ALPK1: variants seen among roughly 807,000 people sequenced by gnomAD.
ALPK1 encodes the protein alpha kinase 1, also known as alpha-protein kinase 1.
ALPK1 carries 110 observed loss-of-function variants against 120.6 expected under a neutral mutation model. The ratio of observed to expected loss-of-function variants is 0.91; its 90% CI spans 0.78 to 1.07. The LOEUF (loss-of-function observed/expected upper bound fraction) is 1.07, where lower values mean the gene tolerates loss of function less well. ALPK1 is among the 50% of genes least tolerant of loss of function. The pLI is 0.00. For synonymous variants in ALPK1, 582 were observed against 560.3 expected, an observed-to-expected ratio of 1.04 and a Z score of -0.55; for missense variants, 1,498 against 1,483.9, an observed-to-expected ratio of 1.01 and a Z score of -0.16.
intron 4 of ALPK1, 87 bp from the exon 5 acceptor site, chr4:112,411,740 T>C: frequency 7.8e-7 from 1 of 1,280,210 alleles, no homozygotes; most frequent in South Asian, 1.3e-5. Context: ...TTTTGTTGTA[T>C]TAATGAAAAT....
At chr4:112,434,795 T>C (rs192824250) in intron 11 of ALPK1, among the ~76,000 whole-genome samples, 6 of 152,320 alleles carry the variant, frequency 3.9e-5, no homozygotes, top group Admixed American at 2.6e-4. Context: ...TGCAAGCATG[T>C]GTCACTTGTC....
At chr4:112,436,592 G>A (rs1479963031) in intron 12 of ALPK1, among the ~76,000 whole-genome samples, 1 of 152,210 alleles carries the variant, frequency 6.6e-6, no homozygotes, top group Non-Finnish European at 1.5e-5. Flanking sequence ...AAGACGCAGA[G>A]AGAATGCCAT....
intron 2 of ALPK1, among the ~76,000 whole-genome samples, chr4:112,371,729 A>G (rs1172633653): frequency 6.6e-6 from 1 of 152,226 alleles, no homozygotes; most frequent in Non-Finnish European, 1.5e-5. Context: ...AAGTGAGGAA[A>G]CCAAAGCAAA....
intron 2 of ALPK1, among the ~76,000 whole-genome samples, chr4:112,326,938 G>A (rs1729143650): frequency 6.6e-6 from 1 of 152,218 alleles, no homozygotes; most frequent in Admixed American, 6.5e-5. Flanking sequence ...CTGGACTAAC[G>A]TGGTGGTGCA....
intron 1 of ALPK1, among the ~76,000 whole-genome samples, chr4:112,304,637 A>AT (rs1421570674): frequency 6.6e-6 from 1 of 152,044 alleles, no homozygotes; most frequent in East Asian, 1.9e-4. Flanking sequence ...TTCTTTGTAG[A>AT]TTCTGGATAT....
chr4:112,436,697 G>T (rs1469269371), intron 12 of ALPK1, among the ~76,000 whole-genome samples: 1 of 152,228 alleles, frequency 6.6e-6, no homozygotes, highest in African/African-American at 2.4e-5. Flanking sequence ...TCAGCAGGAT[G>T]ATGGCCCCAT....
intron 2 of ALPK1, among the ~76,000 whole-genome samples, chr4:112,370,280 C>G (rs1163179936): frequency 1.3e-5 from 2 of 152,140 alleles, no homozygotes; most frequent in Non-Finnish European, 2.9e-5. Context: ...CACATGACCC[C>G]TTAGCTGTGA....
intron 2 of ALPK1, among the ~76,000 whole-genome samples, chr4:112,332,473 C>T (rs1003996796): frequency 1.3e-5 from 2 of 152,284 alleles, no homozygotes; most frequent in East Asian, 1.9e-4. Context: ...CTTGCCAAGG[C>T]ATTTTGTGTA....
intron 1 of ALPK1, among the ~76,000 whole-genome samples, chr4:112,301,502 G>T (rs1727785013): frequency 6.6e-6 from 1 of 152,062 alleles, no homozygotes; most frequent in Non-Finnish European, 1.5e-5. Context: ...ATAAGGTTAG[G>T]CTCTCCTTCT....
intron 2 of ALPK1, among the ~76,000 whole-genome samples, chr4:112,321,895 T>G (rs1578462371): frequency 6.6e-6 from 1 of 152,198 alleles, no homozygotes; most frequent in East Asian, 1.9e-4. Flanking sequence ...GTGTAGAGTG[T>G]CACATTTGTT....
chr4:112,403,395 C>G (rs1733013906), intron 4 of ALPK1, among the ~76,000 whole-genome samples: 1 of 152,170 alleles, frequency 6.6e-6, no homozygotes, highest in Non-Finnish European at 1.5e-5. Flanking sequence ...TAGTTCACAG[C>G]ATGCTGCCGT....
chr4:112,377,431 C>G (rs1455360331), intron 2 of ALPK1, among the ~76,000 whole-genome samples: 2 of 152,138 alleles, frequency 1.3e-5, no homozygotes, highest in African/African-American at 4.8e-5. Context: ...CATGTAACTC[C>G]ACTGACGTCA....
At chr4:112,368,733 A>G (rs1731263765) in intron 2 of ALPK1, among the ~76,000 whole-genome samples, 1 of 152,178 alleles carries the variant, frequency 6.6e-6, no homozygotes, top group Admixed American at 6.5e-5. Context: ...GTTCCCCTCC[A>G]TCAAGCAGCA....
intron 4 of ALPK1, among the ~76,000 whole-genome samples, chr4:112,407,333 A>T (rs2148746021): frequency 6.6e-6 from 1 of 152,258 alleles, no homozygotes; most frequent in South Asian, 2.1e-4. Context: ...AAAGAGAGAA[A>T]CCAGGAACAC....
intron 2 of ALPK1, among the ~76,000 whole-genome samples, chr4:112,333,414 G>T (rs1230516430): frequency 1.3e-5 from 2 of 152,140 alleles, no homozygotes; most frequent in Non-Finnish European, 2.9e-5. Context: ...GGAGTGATAC[G>T]CTGCAGGGTT....
chr4:112,403,380 G>GT, intron 4 of ALPK1, among the ~76,000 whole-genome samples: 1 of 152,268 alleles, frequency 6.6e-6, no homozygotes. Context: ...ACCTAAATCT[G>GT]TATGTAGTTC....
intron 2 of ALPK1, among the ~76,000 whole-genome samples, chr4:112,363,898 C>A (rs989088468): frequency 1.3e-5 from 2 of 152,066 alleles, no homozygotes; most frequent in African/African-American, 4.8e-5. Context: ...GAAATCAACT[C>A]CAAAAGGAAC....
rs556651546 is a variant in ALPK1 at position 112,422,355 on chromosome 4, G to A, written c.476-1589G>A. ...TGTACTTTATCTTGGGTAACTAAAA[G>A]ATACACATTTTGGCACTTTCAATAT... On this transcript the variant is annotated intron_variant, in intron 5 of 15. Coordinates refer to ENST00000650871, the MANE Select transcript of ALPK1 (RefSeq NM_025144.4). Among the ~76,000 whole-genome samples, 8 of 152,250 alleles carry A rather than the reference G, an allele frequency of 5.3e-5. No individual in the cohort carries two copies. The South Asian group carries it at 1.7e-3, about 32-fold the overall frequency.
rs202045706 is a variant in ALPK1, at chr4:112,442,233, C to T, written c.*1023C>T. On this transcript the variant is annotated 3_prime_UTR_variant, in exon 16 of 16. Coordinates refer to ENST00000650871, the MANE Select transcript of ALPK1 (RefSeq NM_025144.4). ...ACATGGGAATTATGGGACTACAATT[C>T]GAGATGAGATTTGGGTGGGGACACA... 3 of 152,086 alleles carry T rather than the reference C, an allele frequency of 2.0e-5. No homozygotes were observed. Among genetic ancestry groups the T allele is most frequent in the Admixed American group, 6.6e-5 (1 of 15,264 alleles). 9.4% of individuals were successfully genotyped at this position (152,086 alleles called of 1,614,324 possible).
Sources: gnomAD v4.1 joint callset for allele counts (sites outside exome capture counted in the v4.1 genomes callset) on GRCh38, gnomAD v4.1.1 for gene constraint, MANE v1.5 for transcripts, NCBI Gene and HGNC (gene_info 2026-07-23, HGNC 2026-07-21) for gene names.